The following ARID1B variants were observed in gnomAD, a reference collection of about 807,000 sequenced individuals.
ARID1B encodes AT-rich interactive domain-containing protein 1B.
Under a neutral mutation model 212.3 loss-of-function variants are expected in ARID1B, and 30 were observed. The observed-to-expected ratio is 0.14, with a 90% confidence interval of 0.11 to 0.19. ARID1B has a LOEUF of 0.19. Among genes scored for constraint, ARID1B ranks in the 10% least tolerant of loss-of-function variants. ARID1B has a pLI of 1.00. For synonymous variants in ARID1B, 1,402 were observed against 1,301.7 expected (o/e 1.08, Z -1.66); for missense variants, 2,891 against 3,204.0 (o/e 0.90, Z 2.36).
At chr6:157,171,786 G>T (rs1372569213) in intron 9 of ARID1B, among the ~76,000 whole-genome samples, 4 of 152,206 alleles carry the variant, frequency 2.6e-5, no homozygotes, top group Non-Finnish European at 5.9e-5. Flanking sequence ...TTATATTCAT[G>T]TAAGTCTGAT....
At chr6:157,018,510 G>A (rs983624745) in intron 4 of ARID1B, among the ~76,000 whole-genome samples, 4 of 152,040 alleles carry the variant, frequency 2.6e-5, no homozygotes, top group Non-Finnish European at 5.9e-5. Flanking sequence ...CACCGTGCCC[G>A]GCATAACTAT....
In ARID1B at chr6:156,967,386, T is replaced by TA. The variant is rs575462421; in HGVS notation, c.2247+31811dup. Among the ~76,000 whole-genome samples, 36 of 152,326 alleles carry TA rather than the reference T, an allele frequency of 2.4e-4. No individual in the cohort carries two copies. The East Asian group carries it at 6.9e-3, about 29-fold the overall frequency. On this transcript the variant is annotated intron_variant, in intron 4 of 19. Coordinates refer to ENST00000636930, the MANE Select transcript of ARID1B (RefSeq NM_001374828.1). Reference sequence around the variant, plus strand: ...ACCATAGGAAATGTCATTAAATAGATATGAAAAAGTCATGAAGATAAATTA... The same window carrying TA: ...ACCATAGGAAATGTCATTAAATAGATAATGAAAAAGTCATGAAGATAAATTA...
chr6:157,099,506 G>A (rs751710614), intron 5 of ARID1B, among the ~76,000 whole-genome samples: 3 of 152,096 alleles, frequency 2.0e-5, no homozygotes, highest in African/African-American at 2.4e-5. Context: ...GGACCCATGC[G>A]AAAAACATTG....
chr6:157,109,597 T>C (rs1437428120), intron 5 of ARID1B, among the ~76,000 whole-genome samples: 1 of 152,210 alleles, frequency 6.6e-6, no homozygotes, highest in Non-Finnish European at 1.5e-5. Flanking sequence ...CATTTAAACC[T>C]CTCAGCCAAA....
At chr6:156,831,412 AAGTC>A (rs926704493) in intron 2 of ARID1B, among the ~76,000 whole-genome samples, 15 of 152,348 alleles carry the variant, frequency 9.8e-5, no homozygotes, top group African/African-American at 3.4e-4. Flanking sequence ...TGAGATTAAA[AAGTC>A]AGTTTCAAAA....
intron 2 of ARID1B, among the ~76,000 whole-genome samples, chr6:156,886,136 A>G (rs1391983616): frequency 6.6e-6 from 1 of 152,242 alleles, no homozygotes. Context: ...GATAAGGGAC[A>G]TTCTACCCAT....
intron 1 of ARID1B, among the ~76,000 whole-genome samples, chr6:156,783,455 A>G (rs899432996): frequency 2.0e-5 from 3 of 152,216 alleles, no homozygotes; most frequent in African/African-American, 7.2e-5. Context: ...TTTAAAGAGA[A>G]TAGGTGTAAT....
At chr6:157,178,794 T>G (rs967050562) in intron 11 of ARID1B, among the ~76,000 whole-genome samples, 1 of 152,228 alleles carries the variant, frequency 6.6e-6, no homozygotes, top group Non-Finnish European at 1.5e-5. Context: ...CTCAGGCCTA[T>G]TCCAGCTTGT....
At chr6:156,776,194 G>A (rs1041839707), upstream of ARID1B, among the ~76,000 whole-genome samples, 10 of 152,184 alleles carry the variant, frequency 6.6e-5, no homozygotes, top group Admixed American at 1.3e-4. Context: ...ACTAGTACAA[G>A]TGGGTCATTG....
intron 8 of ARID1B, among the ~76,000 whole-genome samples, chr6:157,162,693 C>T (rs1791022826): frequency 6.6e-6 from 1 of 152,148 alleles, no homozygotes; most frequent in Non-Finnish European, 1.5e-5. Flanking sequence ...AATAACTCCC[C>T]AATTTGAACA....
At chr6:156,781,765 AT>A (rs1779285903) in intron 1 of ARID1B, among the ~76,000 whole-genome samples, 1 of 152,094 alleles carries the variant, frequency 6.6e-6, no homozygotes, top group South Asian at 2.1e-4. Flanking sequence ...CACGTAATTA[AT>A]TTTAAAAAGG....
intron 2 of ARID1B, among the ~76,000 whole-genome samples, chr6:156,850,995 C>T (rs948319079): frequency 6.6e-6 from 1 of 152,114 alleles, no homozygotes; most frequent in Non-Finnish European, 1.5e-5. Flanking sequence ...TTGAACCTTG[C>T]GTATTTGTCC....
intron 3 of ARID1B, among the ~76,000 whole-genome samples, chr6:156,934,381 T>C (rs1791989596): frequency 6.6e-6 from 1 of 152,200 alleles, no homozygotes; most frequent in East Asian, 1.9e-4. Context: ...ATGCTAATTA[T>C]TTCAGCACAA....
intron 18 of ARID1B, among the ~76,000 whole-genome samples, chr6:157,202,977 T>C (rs191384857): frequency 1.5e-3 from 230 of 152,338 alleles, no homozygotes; most frequent in Non-Finnish European, 2.4e-3. Context: ...GTCTTCAACC[T>C]AGGGAAATTT....
At position 156,978,842 on chromosome 6, in the gene ARID1B, C is replaced by T. The variant is rs983223655; in HGVS notation, c.2247+43266C>T. ...ATATATTACTTTTTCTAGCCACATACTCTTTTAGCCTTCAATATAGCAGAA... is the reference window on the plus strand; with the variant it reads ...ATATATTACTTTTTCTAGCCACATATTCTTTTAGCCTTCAATATAGCAGAA... On this transcript the variant is annotated intron_variant, in intron 4 of 19. Transcript: ENST00000636930. Among the ~76,000 whole-genome samples, 17 of 152,314 alleles carry T rather than the reference C, an allele frequency of 1.1e-4. No homozygotes were observed. The East Asian group carries it at 2.9e-3, about 26-fold the overall frequency.
intron 1 of ARID1B, among the ~76,000 whole-genome samples, chr6:156,790,785 C>A (rs1779957934): frequency 6.6e-6 from 1 of 152,220 alleles, no homozygotes; most frequent in Admixed American, 6.5e-5. Context: ...TTTCCTCTTT[C>A]ACCCATGTCT....
intron 4 of ARID1B, among the ~76,000 whole-genome samples, chr6:156,953,800 C>T (rs990184186): frequency 2.6e-5 from 4 of 152,144 alleles, no homozygotes; most frequent in Non-Finnish European, 5.9e-5. Context: ...TAATGGCCTC[C>T]GCAGACAGGA....
intron 3 of ARID1B, among the ~76,000 whole-genome samples, chr6:156,926,648 G>A (rs1010583579): frequency 8.6e-5 from 13 of 151,950 alleles, no homozygotes; most frequent in Admixed American, 5.9e-4. Context: ...TCTCATCCCC[G>A]TATCCCCTGT....
chr6:156,980,171 G>A (rs959023847), intron 4 of ARID1B, among the ~76,000 whole-genome samples: 2 of 152,118 alleles, frequency 1.3e-5, no homozygotes, highest in Non-Finnish European at 2.9e-5. Context: ...ATTGTAATTT[G>A]CTAAGTATAT....
Sources: gnomAD v4.1 joint callset for allele counts (sites outside exome capture counted in the v4.1 genomes callset) on GRCh38, gnomAD v4.1.1 for gene constraint, MANE v1.5 for transcripts, NCBI Gene and HGNC (gene_info 2026-07-23, HGNC 2026-07-21) for gene names.